EPB41L3: variants seen among roughly 807,000 people sequenced by gnomAD.
EPB41L3 encodes band 4.1-like protein 3.
In EPB41L3, 57 loss-of-function variants were observed where a neutral mutation model predicts 127.1. That is an observed-to-expected ratio of 0.45 (90% CI 0.36 to 0.56). The LOEUF is 0.56. EPB41L3 is among the 20% of genes least tolerant of loss of function. The pLI is 0.00. For missense variants in EPB41L3, 1,273 were observed against 1,372.2 expected (o/e 0.93, Z 1.14); for synonymous variants, 572 against 549.5 (o/e 1.04, Z -0.57).
Position 5,406,847 on chromosome 18 carries a change from G to A in EPB41L3, c.2279C>T (p.Ser760Phe). ...GGCGGCCAGTCGCACGGGGGAGGTG[G>A]AAAGCCTCTTCTCCCATTCATTCGT... ...AVTNEWEKRL[S>F]TSPVRLAARQ... The change falls in exon 16 of 23, where the codon TCC (serine) becomes TTC (phenylalanine). Residue 760 changes from serine (S) to phenylalanine (F), a missense_variant. Ser to Phe is a radical substitution (Grantham distance 155). This residue lies in a region of EPB41L3 where 765 missense variants were observed against 782.9 expected (regional missense o/e 0.98). Transcript: ENST00000341928. 2.5e-6 allele frequency: 4 copies of A among 1,614,182 alleles called. No individual in the cohort carries two copies. Among genetic ancestry groups the A allele is most frequent in the Non-Finnish European group, 3.4e-6 (4 of 1,180,026 alleles).
In EPB41L3 at chr18:5,565,528, A is replaced by G. The variant is rs369429197; in HGVS notation, c.-306+46812T>C. ...GTGCAGGTTAGTTACATATGTATAC[A>G]TGTGCCATGTTGGTGTGCTGCACCC... On this transcript the variant is annotated intron_variant, in intron 3 of 21. Coordinates refer to the EPB41L3 transcript ENST00000545076. Among the ~76,000 whole-genome samples, 76 of 151,500 alleles carry G rather than the reference A, an allele frequency of 5.0e-4. No individual in the cohort carries two copies. In the East Asian group the frequency reaches 0.014, roughly 28 times the overall value.
chr18:5,393,195 G>C lies in EPB41L3; in HGVS notation c.*290C>G. ...TTATATTGTTGGTTATGAACGTGCA[G>C]GTATAGCTGAAAACTGAGACATTTT... On this transcript the variant is annotated 3_prime_UTR_variant, in exon 23 of 23. Coordinates refer to ENST00000341928, the MANE Select transcript of EPB41L3 (RefSeq NM_012307.5). 4 of 382,544 alleles carry C rather than the reference G, an allele frequency of 1.0e-5. No individual in the cohort carries two copies. In the South Asian group the frequency reaches 2.5e-4, roughly 24 times the overall value. 23.7% of individuals were successfully genotyped at this position (382,544 alleles called of 1,614,324 possible).
At chr18:5,553,647 C>T (rs926127315) in intron 3 of EPB41L3, among the ~76,000 whole-genome samples, 7 of 152,220 alleles carry the variant, frequency 4.6e-5, no homozygotes, top group South Asian at 2.1e-4. Context: ...CAGTAGATCC[C>T]GCTGGCTCTA....
intron 1 of EPB41L3, among the ~76,000 whole-genome samples, chr18:5,525,472 T>C (rs749714639): frequency 1.3e-5 from 2 of 152,218 alleles, no homozygotes; most frequent in Non-Finnish European, 2.9e-5. Context: ...AGTATTACTA[T>C]GCACACTTTA....
At chr18:5,629,489 A>C (rs2094964580), upstream of EPB41L3, among the ~76,000 whole-genome samples, 1 of 151,968 alleles carries the variant, frequency 6.6e-6, no homozygotes, top group Admixed American at 6.6e-5. Context: ...CGGAATGCGG[A>C]GGTCAGAGCC....
intron 1 of EPB41L3, among the ~76,000 whole-genome samples, chr18:5,496,893 C>T (rs532053605): frequency 1.2e-4 from 18 of 152,214 alleles, no homozygotes; most frequent in Admixed American, 9.2e-4. Context: ...TGTAGTGGAG[C>T]CTACATTCTA....
At chr18:5,529,928 ATGTGTGTGTG>A (rs10611279) in intron 1 of EPB41L3, among the ~76,000 whole-genome samples, 296 of 146,882 alleles carry the variant, frequency 2.0e-3, no homozygotes, top group Non-Finnish European at 3.7e-3. Context: ...CAACTCATAT[ATGTGTGTGTG>A]TGTGTGTGTG....
intron 1 of EPB41L3, among the ~76,000 whole-genome samples, chr18:5,536,493 T>C (rs2093576148): frequency 6.8e-6 from 1 of 146,586 alleles, no homozygotes; most frequent in Non-Finnish European, 1.5e-5. Context: ...CGAGACATAC[T>C]GTTACATTTA....
intron 15 of EPB41L3, chr18:5,407,181 C>A: frequency 1.7e-6 from 1 of 573,392 alleles, no homozygotes. Context: ...TTCACACAAA[C>A]ATGGATACCA....
intron 1 of EPB41L3, among the ~76,000 whole-genome samples, chr18:5,628,157 C>T (rs1445714725): frequency 6.6e-6 from 1 of 152,230 alleles, no homozygotes; most frequent in East Asian, 1.9e-4. Flanking sequence ...CTTGCGGGGC[C>T]CGTCGGTAAC....
At chr18:5,475,985 G>A (rs2087123741) in intron 3 of EPB41L3, among the ~76,000 whole-genome samples, 1 of 152,036 alleles carries the variant, frequency 6.6e-6, no homozygotes, top group Non-Finnish European at 1.5e-5. Flanking sequence ...TGCCCCGTGT[G>A]TAGCTCACCA....
chr18:5,445,371 G>T, intron 3 of EPB41L3, 127 bp from the exon 4 acceptor site: 1 of 718,640 alleles, frequency 1.4e-6, no homozygotes, highest in Non-Finnish European at 2.3e-6. Flanking sequence ...CCAACAGTGT[G>T]ATCACATTGC....
intron 3 of EPB41L3, among the ~76,000 whole-genome samples, chr18:5,553,029 C>T (rs1568564245): frequency 1.3e-5 from 2 of 152,172 alleles, no homozygotes; most frequent in Admixed American, 6.5e-5. Context: ...AATGAGAACA[C>T]ATTGCATTGG....
At chr18:5,448,470 A>G (rs1335414832) in intron 3 of EPB41L3, among the ~76,000 whole-genome samples, 1 of 152,168 alleles carries the variant, frequency 6.6e-6, no homozygotes, top group Non-Finnish European at 1.5e-5. Flanking sequence ...ATATGACTAA[A>G]TCTCAACAAT....
chr18:5,456,462 A>G (rs1343238655), intron 3 of EPB41L3, among the ~76,000 whole-genome samples: 1 of 152,224 alleles, frequency 6.6e-6, no homozygotes, highest in Non-Finnish European at 1.5e-5. Flanking sequence ...ACCTGTAATG[A>G]AATGTAAATA....
At chr18:5,501,909 A>T (rs1244175600) in intron 1 of EPB41L3, among the ~76,000 whole-genome samples, 1 of 152,160 alleles carries the variant, frequency 6.6e-6, no homozygotes, top group African/African-American at 2.4e-5. Flanking sequence ...GGTGCTGATG[A>T]GAGGATTCCT....
intron 3 of EPB41L3, chr18:5,610,050 G>C: frequency 2.1e-6 from 2 of 967,488 alleles, no homozygotes; most frequent in Non-Finnish European, 2.5e-6. Context: ...CTGGGATGCT[G>C]AAGATAGTTT....
chr18:5,509,764 T>C (rs546917237), intron 1 of EPB41L3, among the ~76,000 whole-genome samples: 1 of 152,366 alleles, frequency 6.6e-6, no homozygotes, highest in Admixed American at 6.5e-5. Flanking sequence ...CATTCAGTAG[T>C]ATGCATATAC....
chr18:5,623,187 C>A (rs931269967), intron 1 of EPB41L3, among the ~76,000 whole-genome samples: 1 of 152,100 alleles, frequency 6.6e-6, no homozygotes, highest in Non-Finnish European at 1.5e-5. Flanking sequence ...ATGAATCACA[C>A]ACGTGTGACC....
Sources: allele counts gnomAD v4.1 joint callset (sites outside exome capture counted in the v4.1 genomes callset), GRCh38; gene constraint gnomAD v4.1.1; regional missense constraint gnomAD v4.1.1; transcripts MANE v1.5; gene names NCBI Gene and HGNC (gene_info 2026-07-23, HGNC 2026-07-21).